The following LDHC variants were observed in gnomAD, a reference collection of about 807,000 sequenced individuals.
LDHC encodes L-lactate dehydrogenase C chain.
LDHC carries 20 observed loss-of-function variants against 30.2 expected under a neutral mutation model. The observed-to-expected ratio is 0.66, with a 90% CI of 0.47 to 0.96. The LOEUF (loss-of-function observed/expected upper bound fraction) is 0.96. Ranked by LOEUF, LDHC falls within the 40% of genes least tolerant of loss-of-function variation. LDHC has a pLI of 0.00. For missense variants in LDHC, 362 were observed against 394.9 expected, an observed-to-expected ratio of 0.92 and a Z score of 0.71; for synonymous variants, 139 against 132.7, an observed-to-expected ratio of 1.05 and a Z score of -0.32.
chr11:18,445,967 ACCCTGTC>A (rs1483503833), intron 6 of LDHC, among the ~76,000 whole-genome samples: 5 of 152,148 alleles, frequency 3.3e-5, no homozygotes, highest in African/African-American at 1.2e-4. Flanking sequence ...AGGAAGCAAG[ACCCTGTC>A]TCAAAAAATA....
At chr11:18,422,416 C>T (rs1848079015) in intron 3 of LDHC, among the ~76,000 whole-genome samples, 3 of 151,404 alleles carry the variant, frequency 2.0e-5, no homozygotes, top group South Asian at 2.1e-4. Context: ...ATTAGCCAGG[C>T]GTAATGGTGC....
At chr11:18,428,247 C>T (rs1192192155) in intron 3 of LDHC, among the ~76,000 whole-genome samples, 2 of 138,028 alleles carry the variant, frequency 1.4e-5, no homozygotes, top group Non-Finnish European at 1.5e-5. Context: ...TCTGGGCTCA[C>T]TGCAACCTCC....
intron 6 of LDHC, 140 bp from the exon 7 acceptor site, chr11:18,446,070 T>C: frequency 1.5e-6 from 1 of 667,374 alleles, no homozygotes; most frequent in South Asian, 2.0e-5. Context: ...TGTTTATAAA[T>C]TCTGTAAGAA....
At chr11:18,438,697 A>C in intron 6 of LDHC, 52 bp downstream of exon 6, 1 of 941,840 alleles carries the variant, frequency 1.1e-6, no homozygotes. Context: ...TCTTAAGAAT[A>C]AATATCACGG....
At position 18,419,397 on chromosome 11, in the gene LDHC, A is replaced by G. The variant is rs562621624; in HGVS notation, c.244+4096A>G. On this transcript the variant is annotated intron_variant, in intron 3 of 7. Transcript: ENST00000541669. ...TTCTCTCCCTGCCTTTGGGGACTAC[A>G]AGTAAAATTGAATGTCTTAGACACT... Among the ~76,000 whole-genome samples, 50 of 152,332 alleles carry G rather than the reference A, an allele frequency of 3.3e-4. No homozygotes were observed. In the South Asian group the frequency reaches 0.01, roughly 31 times the overall value.
chr11:18,413,412 C>T (rs2134042530), intron 2 of LDHC, among the ~76,000 whole-genome samples: 1 of 149,440 alleles, frequency 6.7e-6, no homozygotes, highest in South Asian at 2.1e-4. Flanking sequence ...AACCCTTGTG[C>T]CCTCCTCCCT....
intron 7 of LDHC, among the ~76,000 whole-genome samples, chr11:18,449,493 A>G (rs1848618186): frequency 6.9e-6 from 1 of 145,934 alleles, no homozygotes; most frequent in African/African-American, 2.5e-5. Flanking sequence ...GAATTTCAGT[A>G]TGACTGTGGC....
chr11:18,442,564 T>A, intron 6 of LDHC, among the ~76,000 whole-genome samples: 1 of 152,148 alleles, frequency 6.6e-6, no homozygotes, highest in Non-Finnish European at 1.5e-5. Flanking sequence ...CCAACTAGAC[T>A]GTTTTTTTCC....
At chr11:18,424,969 C>T (rs1848135634) in intron 3 of LDHC, among the ~76,000 whole-genome samples, 2 of 152,260 alleles carry the variant, frequency 1.3e-5, no homozygotes, top group South Asian at 4.1e-4. Context: ...GATCGTGCCA[C>T]TGTACTCCAG....
rs1382284553 is a variant in LDHC at position 18,451,978 on chromosome 11, G to C, written c.*851G>C. 1.3e-5 allele frequency: 2 copies of C among 151,978 alleles called. No homozygotes were observed. Among genetic ancestry groups the C allele is most frequent in the Non-Finnish European group, 2.9e-5 (2 of 68,008 alleles). 9.4% of individuals were successfully genotyped at this position (151,978 alleles called of 1,614,324 possible). On this transcript the variant is annotated 3_prime_UTR_variant, in exon 8 of 8. Transcript: ENST00000541669. ...AGAAGAAAAGCAGAAACAAGAAGAAGATACAGATGTAACTTTACGATGTAA... is the reference window on the plus strand; with the variant it reads ...AGAAGAAAAGCAGAAACAAGAAGAACATACAGATGTAACTTTACGATGTAA...
chr11:18,446,058 C>T, intron 6 of LDHC, 152 bp from the exon 7 acceptor site: 1 of 598,102 alleles, frequency 1.7e-6, no homozygotes. Context: ...AGTTTTGTTG[C>T]CTGTTTATAA....
intron 3 of LDHC, among the ~76,000 whole-genome samples, chr11:18,429,116 C>CTT (rs36038254): frequency 0.28 from 25,883 of 93,738 alleles, 4,717 homozygotes; most frequent in Non-Finnish European, 0.35. Flanking sequence ...TCATTTTGGT[C>CTT]TTTTTTTTTT....
intron 4 of LDHC, among the ~76,000 whole-genome samples, chr11:18,431,943 A>T (rs1388237836): frequency 6.6e-6 from 1 of 151,696 alleles, no homozygotes; most frequent in Non-Finnish European, 1.5e-5. Flanking sequence ...TATCTTTTGT[A>T]TTTTTTTGTT....
At chr11:18,417,975 A>G (rs1867053848) in intron 3 of LDHC, among the ~76,000 whole-genome samples, 1 of 152,048 alleles carries the variant, frequency 6.6e-6, no homozygotes, top group Non-Finnish European at 1.5e-5. Context: ...GCAGTGAGCT[A>G]TGATTGTATC....
Position 18,414,035 on chromosome 11 carries a change from C to G in LDHC, c.127-1149C>G, listed in dbSNP as rs191522817. 3.7e-4 allele frequency among the ~76,000 whole-genome samples: 57 copies of G among 152,122 alleles called. 1 individual carries two copies. The highest frequency in any genetic ancestry group is 1.3e-3 in the African/African-American group (55 of 41,400). ...TTAGATTTTCTCTGTTGGCTTAATT[C>G]GTAGAGCCTTTCTATGTGGTGGTAA... On this transcript the variant is annotated intron_variant, in intron 2 of 7. Coordinates refer to ENST00000541669, the MANE Select transcript of LDHC (RefSeq NM_017448.5).
At chr11:18,431,469 TA>T (rs1219359939) in intron 4 of LDHC, among the ~76,000 whole-genome samples, 2 of 152,040 alleles carry the variant, frequency 1.3e-5, no homozygotes, top group African/African-American at 4.8e-5. Context: ...TCTCAAAAAA[TA>T]AAAATAAAAA....
intron 6 of LDHC, among the ~76,000 whole-genome samples, chr11:18,439,587 A>G (rs576782942): frequency 6.8e-6 from 1 of 147,750 alleles, no homozygotes; most frequent in South Asian, 2.1e-4. Flanking sequence ...AAAAAAAAGA[A>G]CTTAAAAATC....
chr11:18,417,137 G>A (rs568899758), intron 3 of LDHC, among the ~76,000 whole-genome samples: 1 of 152,222 alleles, frequency 6.6e-6, no homozygotes, highest in East Asian at 1.9e-4. Flanking sequence ...GCCTGCCTTG[G>A]CCTCCCAAAG....
At chr11:18,442,443 T>G (rs1299302671) in intron 6 of LDHC, among the ~76,000 whole-genome samples, 3 of 152,154 alleles carry the variant, frequency 2.0e-5, no homozygotes, top group Admixed American at 6.6e-5. Flanking sequence ...TGACAAACAT[T>G]TCTTCAATAT....
Sources: gnomAD v4.1 joint callset for allele counts (sites outside exome capture counted in the v4.1 genomes callset) on GRCh38, gnomAD v4.1.1 for gene constraint, MANE v1.5 for transcripts, NCBI Gene and HGNC (gene_info 2026-07-23, HGNC 2026-07-21) for gene names.